The following STAG1 variants were observed in gnomAD, a reference collection of about 807,000 sequenced individuals.
STAG1 encodes the protein STAG1 cohesin complex component, also known as cohesin subunit SA-1.
Under a neutral mutation model 170.9 loss-of-function variants are expected in STAG1, and 26 were observed. The observed-to-expected ratio is 0.15, with a 90% CI of 0.11 to 0.21. The LOEUF (loss-of-function observed/expected upper bound fraction) is 0.21, where lower values mean the gene tolerates loss of function less well. Ranked by LOEUF, STAG1 falls within the 10% of genes least tolerant of loss-of-function variation. The pLI is 1.00. For synonymous variants in STAG1, 514 were observed against 497.7 expected (o/e 1.03, Z -0.44); for missense variants, 964 against 1,509.5 (o/e 0.64, Z 5.99).
At chr3:136,716,348 A>T (rs1943541439) in intron 1 of STAG1, among the ~76,000 whole-genome samples, 1 of 152,086 alleles carries the variant, frequency 6.6e-6, no homozygotes, top group East Asian at 1.9e-4. Context: ...CTGCAGTGCC[A>T]GCTACTCGGG....
rs981528869 is a variant in STAG1, at chr3:136,337,421, T to C, written c.*833A>G. On this transcript the variant is annotated 3_prime_UTR_variant, in exon 34 of 34. Transcript: ENST00000383202. ...CATTTTCGTTTTACTGAGAATACTT[T>C]ATTTGCTGGTAGAAGTTGCTAAAAA... The C allele has an allele frequency of 2.6e-5, 4 of 152,768 alleles. No homozygotes were observed. The highest frequency in any genetic ancestry group is 9.6e-5 in the African/African-American group (4 of 41,580). 9.5% of individuals were successfully genotyped at this position (152,768 alleles called of 1,614,324 possible). A position where few individuals can be genotyped will look rare whatever the true frequency, so the allele number is the denominator to read the frequency against.
chr3:136,468,356 C>T (rs999012204), intron 12 of STAG1, among the ~76,000 whole-genome samples: 3 of 152,098 alleles, frequency 2.0e-5, no homozygotes, highest in Non-Finnish European at 2.9e-5. Context: ...ATACAAACTA[C>T]CATCAGAGAA....
At chr3:136,511,054 G>C (rs906004400) in intron 7 of STAG1, among the ~76,000 whole-genome samples, 1 of 152,200 alleles carries the variant, frequency 6.6e-6, no homozygotes, top group Non-Finnish European at 1.5e-5. Flanking sequence ...TTACAGGCAT[G>C]AGCCACTGCA....
At chr3:136,477,164 G>A in intron 10 of STAG1, 125 bp downstream of exon 10, 1 of 1,013,282 alleles carries the variant, frequency 9.9e-7, no homozygotes, top group Non-Finnish European at 1.4e-6. Context: ...TTATTCAGCT[G>A]CATCATCTTA....
At chr3:136,593,855 A>G (rs918459850) in intron 4 of STAG1, among the ~76,000 whole-genome samples, 1 of 152,188 alleles carries the variant, frequency 6.6e-6, no homozygotes, top group African/African-American at 2.4e-5. Context: ...TAGTTCCACA[A>G]AATTTTACTC....
intron 1 of STAG1, among the ~76,000 whole-genome samples, chr3:136,632,708 C>A (rs9847427): frequency 0.15 from 22,676 of 151,964 alleles, 2,256 homozygotes; most frequent in Non-Finnish European, 0.22. Flanking sequence ...AGGTGCTACA[C>A]GCATGCCCAA....
intron 5 of STAG1, among the ~76,000 whole-genome samples, chr3:136,547,187 T>C (rs1266192966): frequency 6.6e-6 from 1 of 152,200 alleles, no homozygotes; most frequent in African/African-American, 2.4e-5. Context: ...ACAAAGATAG[T>C]ATAGAGATCC....
At chr3:136,751,914 C>T (rs1935275608) in intron 1 of STAG1, among the ~76,000 whole-genome samples, 1 of 150,818 alleles carries the variant, frequency 6.6e-6, no homozygotes, top group Admixed American at 6.6e-5. Flanking sequence ...TTTTTGGTGC[C>T]CGCGGGAGGG....
At chr3:136,561,205 A>G (rs1170694600) in intron 5 of STAG1, among the ~76,000 whole-genome samples, 4 of 152,244 alleles carry the variant, frequency 2.6e-5, no homozygotes, top group Non-Finnish European at 2.9e-5. Flanking sequence ...GACTTTCCCT[A>G]TAATGTGTCT....
At chr3:136,725,831 A>T (rs1933633209) in intron 1 of STAG1, among the ~76,000 whole-genome samples, 1 of 152,224 alleles carries the variant, frequency 6.6e-6, no homozygotes, top group South Asian at 2.1e-4. Context: ...AAATTCAATG[A>T]AATAAAATTT....
chr3:136,558,175 T>C (rs1936699328), intron 5 of STAG1, among the ~76,000 whole-genome samples: 1 of 152,174 alleles, frequency 6.6e-6, no homozygotes, highest in African/African-American at 2.4e-5. Flanking sequence ...GCAGGTCACC[T>C]GAGGTCGGGA....
chr3:136,712,330 C>G (rs1469450780), intron 1 of STAG1, among the ~76,000 whole-genome samples: 3 of 152,056 alleles, frequency 2.0e-5, no homozygotes, highest in African/African-American at 7.2e-5. Context: ...GAGAACTTTT[C>G]TGCACCAAAA....
At chr3:136,468,156 C>G in intron 12 of STAG1, among the ~76,000 whole-genome samples, 1 of 151,990 alleles carries the variant, frequency 6.6e-6, no homozygotes. Flanking sequence ...TAACTAAGAT[C>G]AGAGCAGAAC....
At chr3:136,356,063 T>G (rs1032899986) in intron 28 of STAG1, among the ~76,000 whole-genome samples, 1 of 151,934 alleles carries the variant, frequency 6.6e-6, no homozygotes, top group African/African-American at 2.4e-5. Flanking sequence ...GCCTGTTTTT[T>G]TTTTTTTTTT....
rs867396538 is a variant in STAG1, at chr3:136,417,971, C to A, written c.2110G>T (p.Ala704Ser). 2 of 1,611,004 alleles carry A rather than the reference C, an allele frequency of 1.2e-6. No individual in the cohort carries two copies. Among genetic ancestry groups the A allele is most frequent in the African/African-American group, 2.7e-5 (2 of 74,844 alleles). Residue 704 changes from alanine (A) to serine (S), a missense_variant and splice_region_variant, in exon 21 of 34, where the codon GCA (alanine) becomes TCA (serine). Ala to Ser is a moderately conservative substitution (Grantham distance 99, BLOSUM62 1). Coordinates refer to ENST00000383202, the MANE Select transcript of STAG1 (RefSeq NM_005862.3). ...AGATCCCATTTTGTGAGATCATGTGCACTGAAATAAACAAAAATGCATCTG... is the reference window on the plus strand; with the variant it reads ...AGATCCCATTTTGTGAGATCATGTGAACTGAAATAAACAAAAATGCATCTG... Reference protein sequence around the residue: ...TLKRLTSFHNAHDLTKWDLFG... With the variant: ...TLKRLTSFHNSHDLTKWDLFG...
chr3:136,667,768 T>C (rs1425297301), intron 1 of STAG1, among the ~76,000 whole-genome samples: 7 of 152,152 alleles, frequency 4.6e-5, no homozygotes, highest in African/African-American at 1.7e-4. Flanking sequence ...AGTGCTGGGA[T>C]TACAGGTGTG....
intron 4 of STAG1, among the ~76,000 whole-genome samples, chr3:136,582,441 A>G (rs1313596408): frequency 5.3e-5 from 8 of 152,218 alleles, no homozygotes; most frequent in Non-Finnish European, 8.8e-5. Flanking sequence ...GGAAAAAGGA[A>G]GGAAAAAATC....
chr3:136,597,549 T>C (rs1240220983), intron 4 of STAG1, among the ~76,000 whole-genome samples: 2 of 152,176 alleles, frequency 1.3e-5, no homozygotes, highest in Non-Finnish European at 2.9e-5. Context: ...ATTAGATTTT[T>C]ATTTTGTACT....
chr3:136,463,728 T>A (rs1302693063), intron 13 of STAG1, among the ~76,000 whole-genome samples: 1 of 71,614 alleles, frequency 1.4e-5, no homozygotes, highest in East Asian at 5.2e-4. Context: ...AAAAAAAAAA[T>A]GTGTATATGT....
Sources: gnomAD v4.1 joint callset for allele counts (sites outside exome capture counted in the v4.1 genomes callset) on GRCh38, gnomAD v4.1.1 for gene constraint, MANE v1.5 for transcripts, NCBI Gene and HGNC (gene_info 2026-07-23, HGNC 2026-07-21) for gene names.